Variants in TNS1 observed in about 807,000 individuals in gnomAD.
The protein encoded by TNS1 is tensin 1.
Under a neutral mutation model 168.6 loss-of-function variants are expected in TNS1, and 62 were observed. The ratio of observed to expected loss-of-function variants is 0.37; its 90% CI spans 0.30 to 0.45. The LOEUF is 0.45. Ranked by LOEUF, TNS1 falls within the 20% of genes least tolerant of loss-of-function variation. TNS1 has a pLI of 1.00. For missense variants in TNS1, 2,240 were observed against 2,339.4 expected (o/e 0.96, Z 0.88); for synonymous variants, 934 against 933.2 (o/e 1.00, Z -0.02).
chr2:217,982,147 GA>G (rs1958068578), intron 2 of TNS1, among the ~76,000 whole-genome samples: 1 of 152,186 alleles, frequency 6.6e-6, no homozygotes, highest in South Asian at 2.1e-4. Context: ...GCCCTATGGA[GA>G]GGGCCATGTG....
chr2:217,942,707 C>T (rs536351279), intron 3 of TNS1, among the ~76,000 whole-genome samples: 31 of 152,218 alleles, frequency 2.0e-4, no homozygotes, highest in African/African-American at 7.2e-4. Flanking sequence ...GAAGAGAAGC[C>T]CTTGTCTCCA....
At chr2:217,927,940 C>T (rs367845287) in intron 3 of TNS1, among the ~76,000 whole-genome samples, 1 of 152,182 alleles carries the variant, frequency 6.6e-6, no homozygotes, top group African/African-American at 2.4e-5. Flanking sequence ...TCTCCATGCC[C>T]ATATGAAGAA....
intron 4 of TNS1, 25 bp downstream of exon 4, chr2:217,920,170 A>G (rs1292469034): frequency 1.4e-6 from 1 of 703,008 alleles, no homozygotes; most frequent in Non-Finnish European, 2.6e-6. Context: ...CAGGGCTTGC[A>G]GGGCAAGGAA....
At chr2:217,972,267 A>G (rs1559394583) in intron 3 of TNS1, among the ~76,000 whole-genome samples, 1 of 152,152 alleles carries the variant, frequency 6.6e-6, no homozygotes, top group Non-Finnish European at 1.5e-5. Context: ...ATTTAAACTT[A>G]AGTCTGTCTC....
chr2:217,848,991 G>T lies in TNS1; in HGVS notation c.1526C>A (p.Ala509Asp), dbSNP rs1336252508. Residue 509 changes from alanine to aspartate, a missense_variant, in exon 19 of 33, where the codon GCC becomes GAC. Physicochemically the swap from Ala to Asp is moderately radical, Grantham distance 126. This residue lies in a region of TNS1 where 2,131 missense variants were observed against 2,171.2 expected (regional missense o/e 0.98). Transcript: ENST00000682258. ...GGTGGCCGACAGTGTAGGACGTGTG[G>T]CATTAACAGCCCCGGTGCTGCCGTG... ...SLHGSTGAVN[A>D]TRPTLSATPN... 3 of 1,614,082 alleles carry T rather than the reference G, an allele frequency of 1.9e-6. No individual in the cohort carries two copies. The highest frequency in any genetic ancestry group is 2.5e-6 in the Non-Finnish European group (3 of 1,180,008).
At chr2:217,907,817 C>G (rs1225867447) in intron 4 of TNS1, among the ~76,000 whole-genome samples, 1 of 152,208 alleles carries the variant, frequency 6.6e-6, no homozygotes, top group Non-Finnish European at 1.5e-5. Context: ...CATTTCCAAG[C>G]ACAAAGGCTC....
At chr2:217,805,257 A>C (rs2125028011) in intron 32 of TNS1, among the ~76,000 whole-genome samples, 1 of 151,742 alleles carries the variant, frequency 6.6e-6, no homozygotes, top group Admixed American at 6.5e-5. Context: ...ACAGAATGTG[A>C]GCTCAGGTCC....
At chr2:218,025,847 C>T (rs185175560) in intron 1 of TNS1, among the ~76,000 whole-genome samples, 180 of 152,198 alleles carry the variant, frequency 1.2e-3, no homozygotes, top group African/African-American at 4.1e-3. Flanking sequence ...GCACTAGGGA[C>T]GGTCTTTCTA....
intron 3 of TNS1, among the ~76,000 whole-genome samples, chr2:217,976,716 G>T (rs1425692217): frequency 1.3e-5 from 2 of 152,166 alleles, no homozygotes; most frequent in African/African-American, 4.8e-5. Context: ...CATGACAAGG[G>T]GCCATCTGTC....
Position 217,978,822 on chromosome 2 carries a change from A to G in TNS1, c.149-20T>C. The G allele has an allele frequency of 1.4e-6, 1 of 702,112 alleles. No individual in the cohort carries two copies. The highest frequency in any genetic ancestry group is 2.3e-4 in the Middle Eastern group (1 of 4,368). The allele number at this position is 702,112 out of a possible 1,614,324, so 43.5% of individuals were successfully genotyped here. A position where few individuals can be genotyped will look rare whatever the true frequency, so the allele number is the denominator to read the frequency against. ...TGCAGACTGCAAGAGGGCGAGACAC[A>G]GAAAGAAAGTTTTAGCCGCGAGGTA... On this transcript the variant is annotated intron_variant, in intron 2 of 32. Transcript: ENST00000682258.
At chr2:217,821,607 G>T in intron 23 of TNS1, 133 bp downstream of exon 23, 1 of 878,668 alleles carries the variant, frequency 1.1e-6, no homozygotes, top group South Asian at 2.6e-5. Context: ...GAACTGGTTT[G>T]CAAGGTACCG....
intron 11 of TNS1, 127 bp downstream of exon 11, chr2:217,892,821 C>T: frequency 9.2e-7 from 1 of 1,091,188 alleles, no homozygotes; most frequent in Non-Finnish European, 1.3e-6. Flanking sequence ...TTCCCCCGTC[C>T]TCATCGCTTC....
At chr2:217,833,794 GAACACAA>G (rs1944796148) in intron 21 of TNS1, among the ~76,000 whole-genome samples, 2 of 152,236 alleles carry the variant, frequency 1.3e-5, no homozygotes, top group Non-Finnish European at 2.9e-5. Flanking sequence ...GTATGAAAAA[GAACACAA>G]AACATCCCGT....
Position 217,803,143 on chromosome 2 carries a change from G to A in TNS1, c.*1316C>T, listed in dbSNP as rs1049820920. ...CAGCAGGCCCAGGAGCTCTGCTGAG[G>A]TCAGAGGGTGCCTGCAAAAGCCAGA... is the stretch of plus-strand genomic sequence containing the variant. On this transcript the variant is annotated 3_prime_UTR_variant, in exon 33 of 33. Transcript: ENST00000682258. 1 of 152,274 alleles carries A rather than the reference G, an allele frequency of 6.6e-6. No individual in the cohort carries two copies. The highest frequency in any genetic ancestry group is 1.5e-5 in the Non-Finnish European group (1 of 68,060). 9.4% of individuals were successfully genotyped at this position (152,274 alleles called of 1,614,324 possible). A position where few individuals can be genotyped will look rare whatever the true frequency, so the allele number is the denominator to read the frequency against.
intron 18 of TNS1, among the ~76,000 whole-genome samples, chr2:217,870,305 T>A (rs956742823): frequency 6.6e-6 from 1 of 151,824 alleles, no homozygotes; most frequent in African/African-American, 2.4e-5. Context: ...GCTTTCTATA[T>A]CCCCAGGGCT....
At chr2:217,833,832 C>T (rs1013824133) in intron 21 of TNS1, among the ~76,000 whole-genome samples, 3 of 152,168 alleles carry the variant, frequency 2.0e-5, no homozygotes, top group Non-Finnish European at 2.9e-5. Context: ...ATTGATTATA[C>T]GTTGAAATGC....
intron 3 of TNS1, among the ~76,000 whole-genome samples, chr2:217,922,154 G>T (rs377753744): frequency 4.7e-4 from 72 of 152,298 alleles, no homozygotes; most frequent in African/African-American, 1.5e-3. Flanking sequence ...AGGGTGCCAG[G>T]GTAACAGACT....
chr2:217,803,425 G>C lies in TNS1; in HGVS notation c.*1034C>G, dbSNP rs1937789963. ...AGGTGGGAGCTAAGGCAGAGTCCAG[G>C]GCCCCAGCAGGAGCAACTTGCCTTT... On this transcript the variant is annotated 3_prime_UTR_variant, in exon 33 of 33. Coordinates refer to ENST00000682258, the MANE Select transcript of TNS1 (RefSeq NM_001387777.1). The C allele has an allele frequency of 6.6e-6, 1 of 152,270 alleles. No homozygotes were observed. Among genetic ancestry groups the C allele is most frequent in the South Asian group, 2.1e-4 (1 of 4,824 alleles). 9.4% of individuals were successfully genotyped at this position (152,270 alleles called of 1,614,324 possible). A position where few individuals can be genotyped will look rare whatever the true frequency, so the allele number is the denominator to read the frequency against.
chr2:217,830,606 C>T (rs551113996), intron 22 of TNS1, among the ~76,000 whole-genome samples: 2 of 152,270 alleles, frequency 1.3e-5, no homozygotes, highest in Non-Finnish European at 2.9e-5. Flanking sequence ...AGCACCTTCT[C>T]CCAGACAGGC....
Sources: allele counts gnomAD v4.1 joint callset (sites outside exome capture counted in the v4.1 genomes callset), GRCh38; gene constraint gnomAD v4.1.1; regional missense constraint gnomAD v4.1.1; transcripts MANE v1.5; gene names NCBI Gene and HGNC (gene_info 2026-07-23, HGNC 2026-07-21).